CSMD3: variants seen among roughly 807,000 people sequenced by gnomAD.
CSMD3 encodes CUB and sushi domain-containing protein 3.
CSMD3 carries 177 observed loss-of-function variants against 435.2 expected under a neutral mutation model. That is an observed-to-expected ratio of 0.41 (90% CI 0.36 to 0.46). The LOEUF (loss-of-function observed/expected upper bound fraction) is 0.46. Among genes scored for constraint, CSMD3 ranks in the 20% least tolerant of loss-of-function variants. The probability of loss-of-function intolerance (pLI) is 0.34; values close to 1 mark genes in which losing one functional copy is unlikely to be tolerated. For synonymous variants in CSMD3, 1,656 were observed against 1,520.5 expected, an observed-to-expected ratio of 1.09 and a Z score of -2.07; for missense variants, 4,265 against 4,504.6, an observed-to-expected ratio of 0.95 and a Z score of 1.52.
At chr8:113,010,254 C>A (rs1265211864) in intron 6 of CSMD3, among the ~76,000 whole-genome samples, 1 of 151,634 alleles carries the variant, frequency 6.6e-6, no homozygotes, top group African/African-American at 2.4e-5. Context: ...TGCATCCCAT[C>A]ACTTTTAAGA....
chr8:113,330,887 G>A (rs1466406598), intron 1 of CSMD3, among the ~76,000 whole-genome samples: 1 of 151,738 alleles, frequency 6.6e-6, no homozygotes, highest in Non-Finnish European at 1.5e-5. Flanking sequence ...CAGCATATCA[G>A]CAAAGATATA....
At chr8:112,598,410 G>T (rs933035434) in intron 22 of CSMD3, among the ~76,000 whole-genome samples, 1 of 150,168 alleles carries the variant, frequency 6.7e-6, no homozygotes, top group African/African-American at 2.5e-5. Context: ...TCATGGATAG[G>T]AAGAATCAAT....
Position 112,803,060 on chromosome 8 carries a change from C to A in CSMD3, c.1860-2786G>T, listed in dbSNP as rs1587341891. ...AGAATTTGTTATGATTCTTTGACCTCATCCCCAGCAAATGAACTGCTGGCA... is the reference window on the plus strand; with the variant it reads ...AGAATTTGTTATGATTCTTTGACCTAATCCCCAGCAAATGAACTGCTGGCA... On this transcript the variant is annotated intron_variant, in intron 12 of 70. Transcript: ENST00000297405. Among the ~76,000 whole-genome samples, 4 of 151,926 alleles carry A rather than the reference C, an allele frequency of 2.6e-5. No homozygotes were observed. In the South Asian group the frequency reaches 8.3e-4, roughly 32 times the overall value.
chr8:113,376,595 A>G lies in CSMD3; in HGVS notation c.178+60082T>C. 6 of 825,028 alleles carry G rather than the reference A, an allele frequency of 7.3e-6. No individual in the cohort carries two copies. In the South Asian group the frequency reaches 9.2e-5, roughly 13 times the overall value. The allele number at this position is 825,028 out of a possible 1,614,324, so 51.1% of individuals were successfully genotyped here. ...TAATATATAAAAAAATTGATATCCAATTTTTTTTAATCCTCATCAAAAGAA... is the reference window on the plus strand; with the variant it reads ...TAATATATAAAAAAATTGATATCCAGTTTTTTTTAATCCTCATCAAAAGAA... On this transcript the variant is annotated intron_variant, in intron 1 of 70. Transcript: ENST00000297405.
intron 35 of CSMD3, among the ~76,000 whole-genome samples, chr8:112,398,718 C>T (rs1831063512): frequency 6.6e-6 from 1 of 152,140 alleles, no homozygotes; most frequent in South Asian, 2.1e-4. Context: ...GGCCCTTGCA[C>T]TATGGGCTTG....
chr8:112,535,667 A>T (rs1246153759), intron 27 of CSMD3, among the ~76,000 whole-genome samples: 1 of 152,122 alleles, frequency 6.6e-6, no homozygotes, highest in African/African-American at 2.4e-5. Flanking sequence ...ATTGGAAAAA[A>T]CTACTTTAAA....
At chr8:112,653,837 T>C (rs2075191158) in intron 18 of CSMD3, among the ~76,000 whole-genome samples, 1 of 151,984 alleles carries the variant, frequency 6.6e-6, no homozygotes, top group African/African-American at 2.4e-5. Flanking sequence ...TTTTTGTATT[T>C]TTAGTAGAGA....
intron 13 of CSMD3, among the ~76,000 whole-genome samples, chr8:112,706,453 A>G (rs900818139): frequency 3.9e-5 from 6 of 152,126 alleles, no homozygotes; most frequent in African/African-American, 1.4e-4. Flanking sequence ...AAAAGATTAT[A>G]ACAGAAAGAT....
At chr8:113,029,253 G>T (rs1204167050) in intron 5 of CSMD3, among the ~76,000 whole-genome samples, 1 of 151,370 alleles carries the variant, frequency 6.6e-6, no homozygotes, top group African/African-American at 2.4e-5. Context: ...GATAAAGAAG[G>T]AACCCTCCCT....
intron 9 of CSMD3, among the ~76,000 whole-genome samples, chr8:112,947,142 T>C (rs889710471): frequency 2.6e-5 from 4 of 151,706 alleles, no homozygotes; most frequent in South Asian, 2.1e-4. Context: ...TTGTAATCTT[T>C]TGTTTGTAAT....
intron 32 of CSMD3, among the ~76,000 whole-genome samples, chr8:112,420,561 T>A (rs1443925988): frequency 6.6e-6 from 1 of 152,174 alleles, no homozygotes; most frequent in Non-Finnish European, 1.5e-5. Flanking sequence ...CTAATGTTAC[T>A]TTTAATATAT....
chr8:112,468,232 G>GTGTTTTTTTTTTT (rs1818152244), intron 32 of CSMD3, among the ~76,000 whole-genome samples: 1 of 114,882 alleles, frequency 8.7e-6, no homozygotes. Context: ...ATTGCCTAAA[G>GTGTTTTTTTTTTT]TATTTTTTTT....
intron 38 of CSMD3, among the ~76,000 whole-genome samples, chr8:112,370,023 G>GGAAGAA (rs71309767): frequency 0.016 from 1,078 of 66,402 alleles, 32 homozygotes; most frequent in African/African-American, 0.034. Context: ...AAGAAGAAGA[G>GGAAGAA]GAAGAAGAAG....
intron 27 of CSMD3, among the ~76,000 whole-genome samples, chr8:112,535,676 A>C (rs1314774473): frequency 1.3e-5 from 2 of 152,096 alleles, no homozygotes; most frequent in Admixed American, 6.6e-5. Flanking sequence ...AACTACTTTA[A>C]AGTTCATATG....
chr8:112,224,841 T>C lies in CSMD3; in HGVS notation c.11054A>G (p.Asn3685Ser), dbSNP rs753793600. The C allele has an allele frequency of 3.1e-6, 5 of 1,614,102 alleles. No homozygotes were observed. In the South Asian group the frequency reaches 3.3e-5, roughly 11 times the overall value. ...CGCCTTCCCTTCCACTGACTTTGCG[T>C]TGGTGTCATACATGGGATTTTCAAA... ...AAFENPMYDT[N>S]AKSVEGKAVR... Residue 3685 changes from asparagine (N) to serine (S), a missense_variant, in exon 71 of 71, where the codon AAC becomes AGC. Asn to Ser is a conservative substitution (Grantham distance 46). Around this residue, in one of 3 missense-constraint regions of CSMD3, gnomAD observed 3,255 missense variants for 3,380.2 expected, o/e 0.96. Coordinates refer to ENST00000297405, the MANE Select transcript of CSMD3 (RefSeq NM_198123.2).
intron 45 of CSMD3, among the ~76,000 whole-genome samples, chr8:112,325,997 T>C (rs1236913636): frequency 2.0e-5 from 3 of 152,136 alleles, no homozygotes; most frequent in Non-Finnish European, 2.9e-5. Flanking sequence ...GACATCAAAT[T>C]GGGTTTCTAT....
intron 27 of CSMD3, among the ~76,000 whole-genome samples, chr8:112,534,949 A>T (rs1270193488): frequency 6.6e-6 from 1 of 152,210 alleles, no homozygotes; most frequent in African/African-American, 2.4e-5. Flanking sequence ...ATCTCAATAG[A>T]TGCAGAAAAG....
intron 11 of CSMD3, 128 bp from the exon 12 acceptor site, chr8:112,829,917 ACACACACAC>A (rs1436977295): frequency 5.7e-5 from 32 of 556,958 alleles, no homozygotes; most frequent in Non-Finnish European, 9.5e-5. Flanking sequence ...ACACACACAC[ACACACACAC>A]AAGCAGTTCA....
At position 112,517,047 on chromosome 8, in the gene CSMD3, T is replaced by A. The variant is rs777242156; in HGVS notation, c.4743A>T (p.Pro1581=). 1 of 1,612,944 alleles carries A rather than the reference T, an allele frequency of 6.2e-7. No individual in the cohort carries two copies. The highest frequency in any genetic ancestry group is 1.1e-5 in the South Asian group (1 of 91,056). ...VENRYFWQPS[P]PVCIAPCGGN... ...TTTAATTCATACCTATACAGACTGG[T>A]GGGCTGGGCTGCCAGAAGTACCGAT... Residue 1581 remains proline (P), a synonymous_variant, in exon 28 of 71, where the codon CCA becomes CCT. Transcript: ENST00000297405.
Sources: allele counts gnomAD v4.1 joint callset (sites outside exome capture counted in the v4.1 genomes callset), GRCh38; gene constraint gnomAD v4.1.1; regional missense constraint gnomAD v4.1.1; transcripts MANE v1.5; gene names NCBI Gene and HGNC (gene_info 2026-07-23, HGNC 2026-07-21).